The following C7orf57 variants were observed in gnomAD, a reference collection of about 807,000 sequenced individuals.
C7orf57 encodes the protein chromosome 7 open reading frame 57.
In C7orf57, 33 loss-of-function variants were observed where a neutral mutation model predicts 39.0. The observed-to-expected ratio is 0.85, with a 90% CI of 0.64 to 1.13. The LOEUF is 1.13. C7orf57 is among the 50% of genes most tolerant of loss of function. The probability of loss-of-function intolerance (pLI) is 0.00; values close to 1 mark genes in which losing one functional copy is unlikely to be tolerated. For missense variants in C7orf57, 346 were observed against 362.3 expected (o/e 0.95, Z 0.37); for synonymous variants, 124 against 137.1 (o/e 0.90, Z 0.67).
intron 1 of C7orf57, 117 bp from the exon 2 acceptor site, chr7:48,036,091 C>G (rs1790347688): frequency 4.9e-6 from 3 of 615,392 alleles, no homozygotes; most frequent in Non-Finnish European, 8.7e-6. Context: ...GACATGCCCC[C>G]TGCTGTATAC....
Position 48,046,489 on chromosome 7 carries a change from TG to T in C7orf57, c.382del (p.Val128PhefsTer25). On this transcript the variant is annotated frameshift_variant, in exon 5 of 9. Coordinates refer to ENST00000348904, the MANE Select transcript of C7orf57 (RefSeq NM_001100159.3). LOFTEE classifies it high-confidence loss of function. ...CGGGCTGTCTCCATGCCGGATTACA[TG>T]GTTCATGAAGAATTTAACCCCGATC... ...EVRAVSMPDY[M>X]VHEEFNPDQA... 6.2e-7 allele frequency: 1 copy of T among 1,613,794 alleles called. No homozygotes were observed. Among genetic ancestry groups the T allele is most frequent in the Non-Finnish European group, 8.5e-7 (1 of 1,179,814 alleles).
intron 8 of C7orf57, among the ~76,000 whole-genome samples, chr7:48,059,003 A>G (rs1012807922): frequency 1.3e-5 from 2 of 152,196 alleles, no homozygotes; most frequent in Admixed American, 1.3e-4. Context: ...CAAAGCCCCT[A>G]AGAGCTGGAA....
intron 2 of C7orf57, 51 bp from the exon 3 acceptor site, chr7:48,041,278 TAGAGG>T: frequency 6.5e-7 from 1 of 1,530,170 alleles, no homozygotes. Flanking sequence ...GGTAGAGGCC[TAGAGG>T]CCACCCCGAC....
chr7:48,045,952 G>A (rs1398748072), intron 4 of C7orf57, among the ~76,000 whole-genome samples: 4 of 152,166 alleles, frequency 2.6e-5, no homozygotes, highest in Non-Finnish European at 5.9e-5. Flanking sequence ...GTTTAGGGGT[G>A]TTTAGCTATT....
chr7:48,042,458 G>T (rs747124863), intron 3 of C7orf57, among the ~76,000 whole-genome samples: 4 of 152,132 alleles, frequency 2.6e-5, no homozygotes, highest in Non-Finnish European at 5.9e-5. Context: ...TGAGGTATAG[G>T]GGGAGGACTG....
At chr7:48,046,802 T>C (rs1758751358) in intron 5 of C7orf57, among the ~76,000 whole-genome samples, 186 bp downstream of exon 5, 2 of 152,262 alleles carry the variant, frequency 1.3e-5, no homozygotes, top group Admixed American at 1.3e-4. Flanking sequence ...TCTTTCTTTT[T>C]CTTTTTATGA....
At chr7:48,055,200 C>T (rs1202163108) in intron 8 of C7orf57, among the ~76,000 whole-genome samples, 3 of 152,136 alleles carry the variant, frequency 2.0e-5, no homozygotes. Flanking sequence ...TCATGTTACA[C>T]AAGCAAAAAC....
At chr7:48,052,004 C>T (rs1790966790) in intron 6 of C7orf57, among the ~76,000 whole-genome samples, 1 of 143,150 alleles carries the variant, frequency 7.0e-6, no homozygotes, top group Non-Finnish European at 1.5e-5. Flanking sequence ...GACAGAGTCT[C>T]GCTCTGTTGC....
chr7:48,051,802 CCT>C (rs1790917713), intron 6 of C7orf57, among the ~76,000 whole-genome samples: 1 of 72,646 alleles, frequency 1.4e-5, no homozygotes. Context: ...TTCTTTCCTT[CCT>C]TCCTTTTCTC....
In C7orf57 at chr7:48,043,565, A is replaced by T; in HGVS notation, c.326A>T (p.Lys109Met). The change falls in exon 4 of 9, where the codon AAG (lysine) becomes ATG (methionine). Residue 109 changes from lysine to methionine, a missense_variant. By Grantham distance (95) the Lys-to-Met change is moderately conservative. Transcript: ENST00000348904. ...CCAGACTGGTATATCCACCACAGCA[A>T]GCCACCGACAGCCAGCCAGCAAGAG... Reference protein sequence around the residue: ...SLPDWYIHHSKPPTASQQEVR... With the variant: ...SLPDWYIHHSMPPTASQQEVR... The T allele has an allele frequency of 6.2e-7, 1 of 1,613,924 alleles. No individual in the cohort carries two copies. Among genetic ancestry groups the T allele is most frequent in the Non-Finnish European group, 8.5e-7 (1 of 1,179,848 alleles).
intron 8 of C7orf57, among the ~76,000 whole-genome samples, chr7:48,057,561 C>G (rs1203724252): frequency 1.3e-5 from 2 of 152,096 alleles, no homozygotes; most frequent in African/African-American, 2.4e-5. Context: ...ACATTGTCAT[C>G]AAACAGAATA....
chr7:48,044,237 A>G (rs527818065), intron 4 of C7orf57, among the ~76,000 whole-genome samples: 1 of 152,114 alleles, frequency 6.6e-6, no homozygotes, highest in Non-Finnish European at 1.5e-5. Flanking sequence ...AACGGAGGCA[A>G]TCAGCAGTGG....
chr7:48,042,890 C>A (rs1790592897), intron 3 of C7orf57, among the ~76,000 whole-genome samples: 1 of 152,090 alleles, frequency 6.6e-6, no homozygotes, highest in Non-Finnish European at 1.5e-5. Context: ...CTGGCCTGGG[C>A]CTCTGAGAAG....
rs931225805 is a variant in C7orf57, at chr7:48,051,444, G to A, written c.606-1256G>A. On this transcript the variant is annotated intron_variant, in intron 6 of 8. Coordinates refer to ENST00000348904, the MANE Select transcript of C7orf57 (RefSeq NM_001100159.3). ...TGGCTCACTGCAAGCTCTGCCTCCC[G>A]GGTTCATGCCATTCTCCTGCCTCAG... is the stretch of plus-strand genomic sequence containing the variant. Among the ~76,000 whole-genome samples the A allele has an allele frequency of 4.2e-5, 6 of 142,482 alleles. No individual in the cohort carries two copies. The South Asian group carries it at 1.1e-3, about 27-fold the overall frequency. The allele number at this position is 142,482 out of a possible 152,430, so 93.5% of individuals were successfully genotyped here. A position where few individuals can be genotyped will look rare whatever the true frequency, so the allele number is the denominator to read the frequency against.
chr7:48,038,385 T>C (rs1790448930), intron 2 of C7orf57, among the ~76,000 whole-genome samples: 1 of 119,734 alleles, frequency 8.4e-6, no homozygotes, highest in Non-Finnish European at 1.9e-5. Flanking sequence ...TATATACATA[T>C]AGATAGATAG....
At position 48,053,632 on chromosome 7, in the gene C7orf57, A is replaced by G. The variant is rs200575108; in HGVS notation, c.829+709A>G. ...ACACCCAGCTATTTTTTTATTTTTC[A>G]TAAAGACAAGGCCTCACTATATTGC... On this transcript the variant is annotated intron_variant, in intron 7 of 8. Transcript: ENST00000348904. Among the ~76,000 whole-genome samples, 18 of 152,012 alleles carry G rather than the reference A, an allele frequency of 1.2e-4. No homozygotes were observed. The East Asian group carries it at 2.5e-3, about 21-fold the overall frequency.
chr7:48,054,867 GATTATT>G (rs869049817), intron 8 of C7orf57, among the ~76,000 whole-genome samples: 7 of 150,034 alleles, frequency 4.7e-5, no homozygotes, highest in Admixed American at 6.6e-5. Flanking sequence ...TGATGATGAT[GATTATT>G]ATTATTATTA....
Position 48,054,439 on chromosome 7 carries a change from G to C in C7orf57, c.830-156G>C, listed in dbSNP as rs188877514. ...AAAAAAAAAAAAAAAAAAAAGGTTT[G>C]TTGCCCTATTGAACTTTACAATGTC... On this transcript the variant is annotated intron_variant, in intron 7 of 8. Coordinates refer to ENST00000348904, the MANE Select transcript of C7orf57 (RefSeq NM_001100159.3). 6.6e-3 allele frequency among the ~76,000 whole-genome samples: 964 copies of C among 144,970 alleles called. 3 individuals are homozygous for C. Among genetic ancestry groups the C allele is most frequent in the Middle Eastern group, 0.018 (5 of 280 alleles).
rs1201925666 is a variant in C7orf57 at position 48,054,519 on chromosome 7, C to CT, written c.830-73dup. On this transcript the variant is annotated intron_variant, in intron 7 of 8. Coordinates refer to ENST00000348904, the MANE Select transcript of C7orf57 (RefSeq NM_001100159.3). ...AAGTAATACAGAATTTTCATTAAAT[C>CT]TTTAAGTAATTATGACTTCTTTTAA... 5.1e-6 allele frequency: 6 copies of CT among 1,171,568 alleles called. No homozygotes were observed. The African/African-American group carries it at 9.6e-5, about 19-fold the overall frequency. The allele number at this position is 1,171,568 out of a possible 1,614,324, so 72.6% of individuals were successfully genotyped here.
Sources: gnomAD v4.1 joint callset for allele counts (sites outside exome capture counted in the v4.1 genomes callset) on GRCh38, gnomAD v4.1.1 for gene constraint, MANE v1.5 for transcripts, NCBI Gene and HGNC (gene_info 2026-07-23, HGNC 2026-07-21) for gene names.